The following PPARG variants were observed in gnomAD, a reference collection of about 807,000 sequenced individuals.
PPARG encodes the protein peroxisome proliferator-activated receptor gamma.
Under a neutral mutation model 39.2 loss-of-function variants are expected in PPARG, and 17 were observed. The ratio of observed to expected loss-of-function variants is 0.43; its 90% CI spans 0.30 to 0.65. PPARG has a LOEUF of 0.65. Among genes scored for constraint, PPARG ranks in the 30% least tolerant of loss-of-function variants. The probability of loss-of-function intolerance (pLI) is 0.13; values close to 1 mark genes in which losing one functional copy is unlikely to be tolerated. For missense variants in PPARG, 406 were observed against 585.9 expected, an observed-to-expected ratio of 0.69 and a Z score of 3.17; for synonymous variants, 223 against 215.7, an observed-to-expected ratio of 1.03 and a Z score of -0.30.
At chr3:12,427,703 C>T (rs2051500773) in intron 7 of PPARG, among the ~76,000 whole-genome samples, 1 of 152,184 alleles carries the variant, frequency 6.6e-6, no homozygotes, top group South Asian at 2.1e-4. Flanking sequence ...GTTTCCCAAT[C>T]CACTGCCTCC....
intron 7 of PPARG, among the ~76,000 whole-genome samples, chr3:12,419,273 A>G (rs1249712392): frequency 1.3e-5 from 2 of 152,010 alleles, no homozygotes; most frequent in Non-Finnish European, 2.9e-5. Context: ...ACAAAAATAT[A>G]CTACCTGGCA....
intron 1 of PPARG, chr3:12,297,817 A>AT (rs991811876): frequency 6.6e-6 from 1 of 151,674 alleles, no homozygotes; most frequent in Non-Finnish European, 1.5e-5. Context: ...TTTTTTTCTA[A>AT]TTTTTTTCTA....
intron 2 of PPARG, among the ~76,000 whole-genome samples, chr3:12,373,592 T>G (rs1047212338): frequency 3.9e-5 from 6 of 152,186 alleles, no homozygotes; most frequent in African/African-American, 1.4e-4. Context: ...TTTTCCATCT[T>G]TAGTAGCAAA....
chr3:12,320,124 G>T (rs1019932648), intron 2 of PPARG, among the ~76,000 whole-genome samples: 2 of 152,178 alleles, frequency 1.3e-5, no homozygotes, highest in South Asian at 4.1e-4. Flanking sequence ...ATTACATTTT[G>T]CAGTAAGGAT....
chr3:12,404,961 C>T (rs2050606735), intron 5 of PPARG, among the ~76,000 whole-genome samples: 1 of 152,188 alleles, frequency 6.6e-6, no homozygotes, highest in Non-Finnish European at 1.5e-5. Flanking sequence ...TGTGATACCA[C>T]ATCGTGAGTG....
chr3:12,417,304 CTG>C (rs2051096685), intron 7 of PPARG, 150 bp downstream of exon 7: 3 of 843,464 alleles, frequency 3.6e-6, no homozygotes, highest in Non-Finnish European at 3.8e-6. Flanking sequence ...GTGCAAAACA[CTG>C]TACCAAGAAA....
At chr3:12,289,693 G>C (rs2046600695) in intron 1 of PPARG, among the ~76,000 whole-genome samples, 1 of 152,226 alleles carries the variant, frequency 6.6e-6, no homozygotes, top group Non-Finnish European at 1.5e-5. Context: ...GATGGTGCTA[G>C]ATGATTTAGA....
intron 2 of PPARG, among the ~76,000 whole-genome samples, chr3:12,369,140 A>G (rs2049121607): frequency 6.6e-6 from 1 of 152,184 alleles, no homozygotes; most frequent in African/African-American, 2.4e-5. Flanking sequence ...ATAGGCAGTG[A>G]TTTTACCTCT....
intron 1 of PPARG, among the ~76,000 whole-genome samples, chr3:12,290,294 C>G (rs1201414691): frequency 6.6e-6 from 1 of 151,920 alleles, no homozygotes; most frequent in Non-Finnish European, 1.5e-5. Flanking sequence ...TTTGTAGAAT[C>G]CCAGGCTGAA....
chr3:12,400,547 G>A (rs970952002), intron 5 of PPARG, among the ~76,000 whole-genome samples: 4 of 152,230 alleles, frequency 2.6e-5, no homozygotes, highest in Admixed American at 6.5e-5. Flanking sequence ...TACCAGCTCT[G>A]ATATGGATAA....
At chr3:12,345,988 A>G (rs947730313) in intron 2 of PPARG, among the ~76,000 whole-genome samples, 1 of 152,254 alleles carries the variant, frequency 6.6e-6, no homozygotes, top group South Asian at 2.1e-4. Context: ...ATGGTATTTT[A>G]CTATGCTAGA....
chr3:12,425,343 C>T (rs941149628), intron 7 of PPARG, among the ~76,000 whole-genome samples: 9 of 152,280 alleles, frequency 5.9e-5, no homozygotes, highest in East Asian at 1.9e-4. Context: ...TTCTGAGAGA[C>T]ATTGGGAAGG....
chr3:12,306,800 A>T (rs1015102994), intron 1 of PPARG, among the ~76,000 whole-genome samples: 1 of 152,228 alleles, frequency 6.6e-6, no homozygotes, highest in Non-Finnish European at 1.5e-5. Context: ...ATCATCACTT[A>T]GAAATCAACC....
At chr3:12,362,568 TAAAA>T (rs2048882184) in intron 2 of PPARG, among the ~76,000 whole-genome samples, 1 of 134,842 alleles carries the variant, frequency 7.4e-6, no homozygotes, top group Non-Finnish European at 1.6e-5. Context: ...AATAAATAAA[TAAAA>T]CGAACAACAA....
intron 5 of PPARG, among the ~76,000 whole-genome samples, chr3:12,403,185 C>T (rs1297540594): frequency 6.6e-6 from 1 of 150,920 alleles, no homozygotes; most frequent in Non-Finnish European, 1.5e-5. Context: ...CCTAGCTACG[C>T]AGGAGGCTGA....
intron 1 of PPARG, among the ~76,000 whole-genome samples, chr3:12,310,791 T>TAAAAAAAAAAAAAAA (rs761238501): frequency 2.0e-5 from 1 of 50,332 alleles, no homozygotes; most frequent in African/African-American, 8.2e-5. Context: ...GCCTTAAATG[T>TAAAAAAAAAAAAAAA]AAAAAAAAAA....
chr3:12,326,197 A>G (rs1483570022), intron 2 of PPARG, among the ~76,000 whole-genome samples: 1 of 152,126 alleles, frequency 6.6e-6, no homozygotes, highest in Non-Finnish European at 1.5e-5. Flanking sequence ...ACCCCCAAAT[A>G]TGGTAGATCG....
At chr3:12,414,692 A>G (rs1321429401) in intron 6 of PPARG, among the ~76,000 whole-genome samples, 1 of 152,016 alleles carries the variant, frequency 6.6e-6, no homozygotes. Context: ...AATAATATTA[A>G]TCCTGAAAAG....
At position 12,433,994 on chromosome 3, in the gene PPARG, C is replaced by T. The variant is rs2051767306; in HGVS notation, c.1277C>T (p.Ser426Phe). 1.2e-6 allele frequency: 2 copies of T among 1,614,124 alleles called. No individual in the cohort carries two copies. The highest frequency in any genetic ancestry group is 8.5e-7 in the Non-Finnish European group (1 of 1,180,054). The part of the protein sequence containing the change: ...ELQLKLNHPE[S>F]SQLFAKLLQK... Reference sequence around the variant, plus strand: ...CAGCTGAAGCTGAACCACCCTGAGTCCTCACAGCTGTTTGCCAAGCTGCTC... The same window carrying T: ...CAGCTGAAGCTGAACCACCCTGAGTTCTCACAGCTGTTTGCCAAGCTGCTC... Residue 426 changes from serine to phenylalanine, a missense_variant, in exon 8 of 8, where the codon TCC becomes TTC. Transcript: ENST00000651735.
Sources: gnomAD v4.1 joint callset for allele counts (sites outside exome capture counted in the v4.1 genomes callset) on GRCh38, gnomAD v4.1.1 for gene constraint, MANE v1.5 for transcripts, NCBI Gene and HGNC (gene_info 2026-07-23, HGNC 2026-07-21) for gene names.